COLQ: variants seen among roughly 807,000 people sequenced by gnomAD.
COLQ encodes the protein acetylcholinesterase collagenic tail peptide.
COLQ carries 48 observed loss-of-function variants against 69.0 expected under a neutral mutation model. The ratio of observed to expected loss-of-function variants is 0.70; its 90% CI spans 0.55 to 0.88. The LOEUF is 0.88. Ranked by LOEUF, COLQ falls within the 40% of genes least tolerant of loss-of-function variation. The pLI is 0.00. For synonymous variants in COLQ, 217 were observed against 211.2 expected (o/e 1.03, Z -0.24); for missense variants, 618 against 594.6 (o/e 1.04, Z -0.41).
chr3:15,500,589 G>C (rs147846528), intron 1 of COLQ, among the ~76,000 whole-genome samples: 1 of 152,244 alleles, frequency 6.6e-6, no homozygotes, highest in Non-Finnish European at 1.5e-5. Context: ...CAACTTGGCA[G>C]GTGTTTGAAT....
chr3:15,520,136 A>G (rs1189867786), intron 1 of COLQ, among the ~76,000 whole-genome samples: 4 of 152,232 alleles, frequency 2.6e-5, no homozygotes, highest in Non-Finnish European at 5.9e-5. Flanking sequence ...CCACCAAATT[A>G]GGCCAAATTA....
intron 3 of COLQ, among the ~76,000 whole-genome samples, chr3:15,487,797 A>G (rs2168428): frequency 0.38 from 58,177 of 151,900 alleles, 11,288 homozygotes; most frequent in East Asian, 0.51. Context: ...GCAGGAAACC[A>G]TCTCCTCTGC....
chr3:15,491,577 G>GGCTC (rs1310074269), intron 1 of COLQ, among the ~76,000 whole-genome samples: 3 of 152,216 alleles, frequency 2.0e-5, no homozygotes, highest in Non-Finnish European at 4.4e-5. Context: ...CCTTGATGAT[G>GGCTC]GAGCATTCCA....
At chr3:15,467,861 C>A in intron 11 of COLQ, 1 of 456,742 alleles carries the variant, frequency 2.2e-6, no homozygotes, top group Non-Finnish European at 4.4e-6. Context: ...CTGCCTTGTC[C>A]ACATGGCACT....
At chr3:15,520,222 T>C (rs899304641) in intron 1 of COLQ, among the ~76,000 whole-genome samples, 1 of 152,250 alleles carries the variant, frequency 6.6e-6, no homozygotes, top group Non-Finnish European at 1.5e-5. Context: ...TGCTCTTAAC[T>C]TGAATTTGCA....
intron 16 of COLQ, 126 bp downstream of exon 16, chr3:15,453,703 T>A (rs111472409): frequency 3.9e-5 from 28 of 710,998 alleles, no homozygotes; most frequent in Non-Finnish European, 7.1e-5. Context: ...TTCATCACCA[T>A]ACCTCAGTGT....
intron 3 of COLQ, among the ~76,000 whole-genome samples, chr3:15,485,821 G>C (rs1282761085): frequency 6.6e-6 from 1 of 152,184 alleles, no homozygotes; most frequent in Non-Finnish European, 1.5e-5. Context: ...AGCCAGGCAT[G>C]ATGGTATGTG....
chr3:15,484,615 C>A (rs1368048096), intron 3 of COLQ, among the ~76,000 whole-genome samples: 4 of 152,200 alleles, frequency 2.6e-5, no homozygotes, highest in Admixed American at 6.5e-5. Context: ...TTGTTCATTT[C>A]TTCTTACTCT....
intron 1 of COLQ, among the ~76,000 whole-genome samples, chr3:15,507,876 A>C (rs1025583591): frequency 2.0e-5 from 3 of 152,072 alleles, no homozygotes; most frequent in African/African-American, 7.2e-5. Flanking sequence ...TTTCTCTTAC[A>C]TTATTTTTCC....
chr3:15,465,615 T>TG (rs897903205), intron 12 of COLQ, among the ~76,000 whole-genome samples: 1 of 43,714 alleles, frequency 2.3e-5, no homozygotes, highest in Non-Finnish European at 4.7e-5. Flanking sequence ...TACATCTTTT[T>TG]TTTTTTTTTT....
At position 15,474,926 on chromosome 3, in the gene COLQ, T is replaced by C; in HGVS notation, c.554A>G (p.Lys185Arg). Residue 185 changes from lysine (K) to arginine (R), a missense_variant and splice_region_variant, in exon 8 of 17, where the codon AAG becomes AGG. Lys to Arg is a conservative substitution (Grantham distance 26). Transcript: ENST00000383788. Reference protein sequence around the residue: ...SKGYPGSRGEKGSRGEKGDLG... With the variant: ...SKGYPGSRGERGSRGEKGDLG... ...ACACCATCCAAGAAAAGCACTAACC[T>C]TTTCCCCTCTGGATCCAGGGTAGCC... is the stretch of plus-strand genomic sequence containing the variant. 6.2e-7 allele frequency: 1 copy of C among 1,613,866 alleles called. No individual in the cohort carries two copies. Among genetic ancestry groups the C allele is most frequent in the East Asian group, 2.2e-5 (1 of 44,874 alleles).
At chr3:15,467,874 G>C (rs1407703543) in intron 11 of COLQ, 1 of 456,738 alleles carries the variant, frequency 2.2e-6, no homozygotes, top group East Asian at 6.9e-5. Context: ...ATGGCACTGG[G>C]GGCCGTCTTG....
At chr3:15,488,370 C>T (rs1180619363) in intron 2 of COLQ, 63 bp from the exon 3 acceptor site, 5 of 1,385,802 alleles carry the variant, frequency 3.6e-6, no homozygotes, top group Non-Finnish European at 5.1e-6. Context: ...GGGTCACCAT[C>T]CTGGACACAG....
intron 3 of COLQ, among the ~76,000 whole-genome samples, chr3:15,481,682 G>A (rs1221188191): frequency 6.6e-6 from 1 of 152,202 alleles, no homozygotes; most frequent in East Asian, 1.9e-4. Flanking sequence ...GCTTAAGATT[G>A]TCTTGGCAAT....
At chr3:15,508,507 G>A (rs923994364) in intron 1 of COLQ, among the ~76,000 whole-genome samples, 4 of 152,052 alleles carry the variant, frequency 2.6e-5, no homozygotes, top group Non-Finnish European at 4.4e-5. Context: ...TATTGTAGGC[G>A]GTACAATAAA....
At chr3:15,499,767 T>C (rs1196382063) in intron 1 of COLQ, among the ~76,000 whole-genome samples, 1 of 152,252 alleles carries the variant, frequency 6.6e-6, no homozygotes, top group African/African-American at 2.4e-5. Flanking sequence ...GGAAGAGTAC[T>C]GGCCCTGGAG....
Position 15,466,334 on chromosome 3 carries a change from C to A in COLQ, c.814+7G>T. 3 of 1,606,474 alleles carry A rather than the reference C, an allele frequency of 1.9e-6. No homozygotes were observed. The highest frequency in any genetic ancestry group is 2.2e-5 in the South Asian group (2 of 90,870). ...CAGTGGATCAAGTGAAGCAGTGTAG[C>A]TCTTACCTGCAGGTGGGGGGCCTGG... On this transcript the variant is annotated splice_region_variant and intron_variant, in intron 12 of 16. Transcript: ENST00000383788.
At chr3:15,479,274 G>A in intron 4 of COLQ, 64 bp downstream of exon 4, 1 of 1,523,654 alleles carries the variant, frequency 6.6e-7, no homozygotes, top group Non-Finnish European at 9.1e-7. Flanking sequence ...TTCTCAGTGG[G>A]ATGCCCAGAA....
intron 3 of COLQ, 71 bp downstream of exon 3, chr3:15,488,135 G>C: frequency 9.1e-7 from 1 of 1,094,128 alleles, no homozygotes; most frequent in Admixed American, 1.8e-5. Context: ...CAGACACTAA[G>C]AGGCTCTGTG....
Sources: allele counts gnomAD v4.1 joint callset (sites outside exome capture counted in the v4.1 genomes callset), GRCh38; gene constraint gnomAD v4.1.1; transcripts MANE v1.5; gene names NCBI Gene and HGNC (gene_info 2026-07-23, HGNC 2026-07-21).